MINDY2: variants seen among roughly 807,000 people sequenced by gnomAD.
MINDY2 encodes the protein ubiquitin carboxyl-terminal hydrolase MINDY-2.
In MINDY2, 52 loss-of-function variants were observed where a neutral mutation model predicts 68.2. The ratio of observed to expected loss-of-function variants is 0.76; its 90% CI spans 0.61 to 0.96. MINDY2 has a LOEUF of 0.96. Among genes scored for constraint, MINDY2 ranks in the 40% least tolerant of loss-of-function variants. MINDY2 has a pLI of 0.00. For synonymous variants in MINDY2, 372 were observed against 303.0 expected (o/e 1.23, Z -2.36); for missense variants, 881 against 773.4 (o/e 1.14, Z -1.65).
In MINDY2 at chr15:58,855,406, G is replaced by A. The variant is rs898592832; in HGVS notation, c.*796G>A. 2 of 152,612 alleles carry A rather than the reference G, an allele frequency of 1.3e-5. No individual in the cohort carries two copies. Among genetic ancestry groups the A allele is most frequent in the Non-Finnish European group, 2.9e-5 (2 of 68,028 alleles). The allele number at this position is 152,612 out of a possible 1,614,324, so 9.5% of individuals were successfully genotyped here. ...TACTATTTATTGACAATGTGATTGA[G>A]TGTATGGAGGAAAGCACAGTGGATG... On this transcript the variant is annotated 3_prime_UTR_variant, in exon 9 of 9. Transcript: ENST00000559228.
chr15:58,812,062 G>T (rs1204306916), intron 4 of MINDY2, among the ~76,000 whole-genome samples: 1 of 152,142 alleles, frequency 6.6e-6, no homozygotes, highest in Non-Finnish European at 1.5e-5. Context: ...TTGTTTTATG[G>T]TATGAGGTGA....
In MINDY2 at chr15:58,858,763, A is replaced by G. The variant is rs1424173453; in HGVS notation, c.*4153A>G. On this transcript the variant is annotated 3_prime_UTR_variant, in exon 9 of 9. Coordinates refer to ENST00000559228, the MANE Select transcript of MINDY2 (RefSeq NM_001040450.3). ...CAGTACTTATGCATAAACTTATAAT[A>G]GTAAAATTACTAATGTTTGATAAAA... is the stretch of plus-strand genomic sequence containing the variant. The G allele has an allele frequency of 6.6e-6, 1 of 152,160 alleles. No homozygotes were observed. Among genetic ancestry groups the G allele is most frequent in the Non-Finnish European group, 1.5e-5 (1 of 67,966 alleles). The allele number at this position is 152,160 out of a possible 1,614,324, so 9.4% of individuals were successfully genotyped here.
At chr15:58,785,770 G>A (rs968020859) in intron 1 of MINDY2, among the ~76,000 whole-genome samples, 8 of 152,026 alleles carry the variant, frequency 5.3e-5, no homozygotes, top group Non-Finnish European at 1.5e-5. Flanking sequence ...TCCGCCTCCC[G>A]GGTTCAAGCA....
chr15:58,782,942 C>CA (rs1355030768), intron 1 of MINDY2, among the ~76,000 whole-genome samples: 2 of 55,344 alleles, frequency 3.6e-5, no homozygotes, highest in African/African-American at 1.1e-4. Flanking sequence ...TTTTTTGAGA[C>CA]AGAGTCTTGC....
At chr15:58,832,910 A>G (rs963255011) in intron 6 of MINDY2, among the ~76,000 whole-genome samples, 1 of 152,222 alleles carries the variant, frequency 6.6e-6, no homozygotes, top group Admixed American at 6.5e-5. Flanking sequence ...ATTTATTTAG[A>G]TGATTTGCCT....
intron 1 of MINDY2, among the ~76,000 whole-genome samples, chr15:58,774,231 C>G (rs778538364): frequency 6.6e-6 from 1 of 152,056 alleles, no homozygotes; most frequent in Non-Finnish European, 1.5e-5. Context: ...GCCTGTATTC[C>G]CAGCATTTCG....
intron 2 of MINDY2, among the ~76,000 whole-genome samples, chr15:58,795,806 A>G (rs918953130): frequency 6.6e-6 from 1 of 151,828 alleles, no homozygotes; most frequent in African/African-American, 2.4e-5. Flanking sequence ...CTCCTGCACC[A>G]AGAACCAGTT....
chr15:58,773,154 C>T (rs1866917159), intron 1 of MINDY2, among the ~76,000 whole-genome samples: 1 of 151,252 alleles, frequency 6.6e-6, no homozygotes, highest in African/African-American at 2.4e-5. Context: ...ACAAAACAAA[C>T]TGGGTGTGGT....
At chr15:58,851,735 C>A (rs772519053) in intron 7 of MINDY2, 36 bp from the exon 8 acceptor site, 2 of 1,466,004 alleles carry the variant, frequency 1.4e-6, no homozygotes, top group Non-Finnish European at 1.8e-6. Context: ...TGGGTAAAAT[C>A]TCATAGCTAA....
intron 8 of MINDY2, among the ~76,000 whole-genome samples, chr15:58,852,248 A>G (rs1279636658): frequency 1.6e-5 from 2 of 127,624 alleles, no homozygotes; most frequent in Non-Finnish European, 3.2e-5. Context: ...AGATTGTGCC[A>G]CTACACTCCA....
At chr15:58,790,037 C>T (rs911427539) in intron 2 of MINDY2, among the ~76,000 whole-genome samples, 1 of 152,116 alleles carries the variant, frequency 6.6e-6, no homozygotes, top group Admixed American at 6.5e-5. Context: ...CCTTGGCCTC[C>T]CAAAGTGCTG....
intron 4 of MINDY2, 93 bp downstream of exon 4, chr15:58,810,481 C>G: frequency 7.9e-7 from 1 of 1,259,922 alleles, no homozygotes; most frequent in Admixed American, 3.1e-5. Flanking sequence ...TTGTTACTTA[C>G]TTTTTTTGTA....
intron 8 of MINDY2, among the ~76,000 whole-genome samples, chr15:58,853,905 ACTTTC>A (rs1456406311): frequency 6.6e-6 from 1 of 151,618 alleles, no homozygotes; most frequent in East Asian, 1.9e-4. Flanking sequence ...AAAAGGTGTC[ACTTTC>A]CTTAACATTT....
At chr15:58,830,799 G>C (rs1323662607) in intron 5 of MINDY2, among the ~76,000 whole-genome samples, 1 of 152,072 alleles carries the variant, frequency 6.6e-6, no homozygotes, top group Non-Finnish European at 1.5e-5. Flanking sequence ...GTATGCGAGA[G>C]AGCTGAAGCA....
intron 2 of MINDY2, 79 bp from the exon 3 acceptor site, chr15:58,802,234 A>T: frequency 1.1e-6 from 1 of 916,472 alleles, no homozygotes; most frequent in Non-Finnish European, 1.7e-6. Flanking sequence ...TAACATTTAT[A>T]ATTAAGATCT....
At chr15:58,846,167 AAAT>A (rs1411376727) in intron 6 of MINDY2, among the ~76,000 whole-genome samples, 1 of 152,204 alleles carries the variant, frequency 6.6e-6, no homozygotes, top group Non-Finnish European at 1.5e-5. Context: ...GTATAGTCAA[AAAT>A]AATTTAATTG....
chr15:58,852,447 T>C (rs554755110), intron 8 of MINDY2, among the ~76,000 whole-genome samples: 91 of 152,314 alleles, frequency 6.0e-4, no homozygotes, highest in African/African-American at 2.2e-3. Context: ...AAATGTTTTC[T>C]CCTGAGGTTC....
chr15:58,828,661 C>T (rs371736184), intron 5 of MINDY2, among the ~76,000 whole-genome samples: 242 of 147,912 alleles, frequency 1.6e-3, no homozygotes, highest in African/African-American at 5.8e-3. Context: ...TCCCAGTTCA[C>T]GCCATTCTCC....
In MINDY2 at chr15:58,852,947, TTTTTTTTTTTTTTTTTTTTTTTTAA is replaced by T. The variant is rs1319527443; in HGVS notation, c.1737+983_1737+1007del. The stretch of plus-strand genomic sequence containing the variant: ...GTTTTTTTTTTTTTTTTTTTTTTTT[TTTTTTTTTTTTTTTTTTTTTTTTAA>T]GACAGAGTCTCACTCTGTTGCCCAG... On this transcript the variant is annotated intron_variant, in intron 8 of 8. Transcript: ENST00000559228. Among the ~76,000 whole-genome samples the T allele has an allele frequency of 1.0e-3, 38 of 37,376 alleles. 1 individual carries two copies. The highest frequency in any genetic ancestry group is 2.7e-3 in the East Asian group (4 of 1,486). 24.5% of individuals were successfully genotyped at this position (37,376 alleles called of 152,430 possible). A position where few individuals can be genotyped will look rare whatever the true frequency, so the allele number is the denominator to read the frequency against.
Sources: gnomAD v4.1 joint callset for allele counts (sites outside exome capture counted in the v4.1 genomes callset) on GRCh38, gnomAD v4.1.1 for gene constraint, MANE v1.5 for transcripts, NCBI Gene and HGNC (gene_info 2026-07-23, HGNC 2026-07-21) for gene names.